OCA2: variants seen among roughly 807,000 people sequenced by gnomAD.
OCA2 encodes P protein.
Under a neutral mutation model 100.2 loss-of-function variants are expected in OCA2, and 77 were observed. The observed-to-expected ratio is 0.77, with a 90% CI of 0.64 to 0.93. The LOEUF (loss-of-function observed/expected upper bound fraction) is 0.93. Ranked by LOEUF, OCA2 falls within the 40% of genes least tolerant of loss-of-function variation. OCA2 has a pLI of 0.00. For missense variants in OCA2, 1,062 were observed against 1,089.1 expected, an observed-to-expected ratio of 0.98 and a Z score of 0.35; for synonymous variants, 432 against 439.2, an observed-to-expected ratio of 0.98 and a Z score of 0.21.
intron 23 of OCA2, among the ~76,000 whole-genome samples, chr15:27,835,867 T>C (rs1023610767): frequency 5.9e-5 from 9 of 152,132 alleles, no homozygotes; most frequent in African/African-American, 1.4e-4. Flanking sequence ...AGTACTGAGG[T>C]TGTGGGGCAT....
chr15:27,831,683 A>G (rs8037478), intron 23 of OCA2, among the ~76,000 whole-genome samples: 76,337 of 152,004 alleles, frequency 0.5, 19,840 homozygotes, highest in South Asian at 0.76. Flanking sequence ...AGCTGCCTGC[A>G]GCCGTTCTCT....
At chr15:28,054,093 AAT>A (rs2043605423) in intron 2 of OCA2, among the ~76,000 whole-genome samples, 1 of 152,250 alleles carries the variant, frequency 6.6e-6, no homozygotes, top group African/African-American at 2.4e-5. Context: ...TGTATGTGTA[AAT>A]ATGTGCATGT....
At chr15:27,811,665 C>T (rs1235922984) in intron 23 of OCA2, among the ~76,000 whole-genome samples, 1 of 152,006 alleles carries the variant, frequency 6.6e-6, no homozygotes, top group Non-Finnish European at 1.5e-5. Flanking sequence ...CCTTTTTGCC[C>T]TCTCTGTAGG....
chr15:27,969,762 G>A (rs567327423), intron 14 of OCA2, among the ~76,000 whole-genome samples: 12 of 152,206 alleles, frequency 7.9e-5, no homozygotes, highest in Admixed American at 2.6e-4. Context: ...AAGGGGACAC[G>A]CCTGAGGGAC....
the OCA2 span, among the ~76,000 whole-genome samples, chr15:27,742,133 G>A: frequency 7.2e-5 from 11 of 152,176 alleles, no homozygotes; most frequent in African/African-American, 2.4e-4. Context: ...GTGTTGTCTG[G>A]GAGAAGAGCA....
At chr15:28,012,879 A>G (rs1263781165) in intron 9 of OCA2, among the ~76,000 whole-genome samples, 2 of 152,364 alleles carry the variant, frequency 1.3e-5, no homozygotes, top group South Asian at 2.1e-4. Flanking sequence ...ATAGTAAAAA[A>G]GGGGAAGAGG....
intron 23 of OCA2, among the ~76,000 whole-genome samples, chr15:27,808,720 G>A (rs146017464): frequency 3.9e-4 from 59 of 152,286 alleles, no homozygotes; most frequent in African/African-American, 1.2e-3. Context: ...GCTGGGAGCC[G>A]GGGTCTGAGA....
At chr15:27,933,625 A>G (rs1198615498) in intron 18 of OCA2, among the ~76,000 whole-genome samples, 2 of 152,168 alleles carry the variant, frequency 1.3e-5, no homozygotes, top group African/African-American at 4.8e-5. Context: ...GTGGAAAGTT[A>G]CAGTTAAAGG....
chr15:27,859,830 G>A (rs532154905), intron 21 of OCA2, among the ~76,000 whole-genome samples: 20 of 152,146 alleles, frequency 1.3e-4, no homozygotes, highest in African/African-American at 4.6e-4. Context: ...ACATGACATC[G>A]ATGGAAAGAC....
At chr15:27,896,440 AT>A in intron 19 of OCA2, 3 of 679,904 alleles carry the variant, frequency 4.4e-6, no homozygotes, top group Non-Finnish European at 8.1e-6. Flanking sequence ...ATATGAGAGA[AT>A]CCCATCTAGG....
chr15:27,745,463 G>A, the OCA2 span, among the ~76,000 whole-genome samples: 1 of 152,284 alleles, frequency 6.6e-6, no homozygotes, highest in Non-Finnish European at 1.5e-5. Context: ...TTCTCAGTCT[G>A]TTCCCTTAAC....
chr15:28,046,003 G>A (rs2043336311), intron 2 of OCA2, among the ~76,000 whole-genome samples: 1 of 152,196 alleles, frequency 6.6e-6, no homozygotes, highest in Non-Finnish European at 1.5e-5. Flanking sequence ...TTGCTGCTAT[G>A]AGATGGCTCG....
chr15:28,001,322 A>C (rs966584918), intron 9 of OCA2, among the ~76,000 whole-genome samples: 5 of 152,198 alleles, frequency 3.3e-5, no homozygotes, highest in Non-Finnish European at 5.9e-5. Context: ...AAAAGGAAGG[A>C]AATCCTGCCA....
chr15:28,055,856 C>G (rs1264385228), intron 2 of OCA2, among the ~76,000 whole-genome samples: 1 of 152,212 alleles, frequency 6.6e-6, no homozygotes, highest in Admixed American at 6.5e-5. Flanking sequence ...CCAGCTGACC[C>G]CTGCTTCAGA....
intron 13 of OCA2, 66 bp downstream of exon 13, chr15:27,984,998 G>GT: frequency 1.3e-6 from 2 of 1,594,562 alleles, no homozygotes; most frequent in Non-Finnish European, 1.7e-6. Flanking sequence ...GAGCCAGGCA[G>GT]TGCAGGCAGA....
the OCA2 span, among the ~76,000 whole-genome samples, chr15:27,737,218 G>C: frequency 6.6e-6 from 1 of 152,148 alleles, no homozygotes; most frequent in Non-Finnish European, 1.5e-5. Context: ...AAGCTCATGA[G>C]TATGATTCTT....
chr15:27,910,732 T>C (rs1380090907), intron 19 of OCA2, among the ~76,000 whole-genome samples: 1 of 148,112 alleles, frequency 6.8e-6, no homozygotes, highest in Non-Finnish European at 1.5e-5. Context: ...CCGAGGCAGG[T>C]GGATCACAAA....
chr15:27,985,063 C>G lies in OCA2; in HGVS notation c.1364+1G>C, dbSNP rs781496519. ...TCCCACGGCAGAGGTGCTTTGCGTA[C>G]CTTATGGTCACAGGCGTGAAGAGGA... On this transcript the variant is annotated splice_donor_variant, in intron 13 of 23. Coordinates refer to ENST00000354638, the MANE Select transcript of OCA2 (RefSeq NM_000275.3). LOFTEE classifies it high-confidence loss of function. The G allele has an allele frequency of 6.2e-7, 1 of 1,613,824 alleles. No individual in the cohort carries two copies. Among genetic ancestry groups the G allele is most frequent in the Admixed American group, 1.7e-5 (1 of 60,002 alleles).
rs370760182 is a variant in OCA2, at chr15:27,955,162, T to C, written c.1838A>G (p.Lys613Arg). The change falls in exon 17 of 24, where the codon AAA (lysine) becomes AGA (arginine). Residue 613 changes from lysine (K) to arginine (R), a missense_variant. By Grantham distance (26) the Lys-to-Arg change is conservative. Transcript: ENST00000354638. ...TGAGGAAAGAAAGCTGGGTACCTTTTTTTGGAGTTCTTGGATATTGGTCTC... is the reference window on the plus strand; with the variant it reads ...TGAGGAAAGAAAGCTGGGTACCTTTCTTTGGAGTTCTTGGATATTGGTCTC... ...NWETNIQELQKKHRISDGILL... is the reference protein window; with the variant it reads ...NWETNIQELQRKHRISDGILL... 25 of 1,610,274 alleles carry C rather than the reference T, an allele frequency of 1.6e-5. No homozygotes were observed. The South Asian group carries it at 1.8e-4, about 11-fold the overall frequency.
Sources: gnomAD v4.1 joint callset for allele counts (sites outside exome capture counted in the v4.1 genomes callset) on GRCh38, gnomAD v4.1.1 for gene constraint, MANE v1.5 for transcripts, NCBI Gene and HGNC (gene_info 2026-07-23, HGNC 2026-07-21) for gene names.